Variants in PPP1R37 observed in about 807,000 individuals in gnomAD.
The protein encoded by PPP1R37 is protein phosphatase 1 regulatory subunit 37.
Under a neutral mutation model 61.0 loss-of-function variants are expected in PPP1R37, and 21 were observed. The observed-to-expected ratio is 0.34, with a 90% CI of 0.24 to 0.50. The LOEUF is 0.50. PPP1R37 is among the 20% of genes least tolerant of loss of function. The probability of loss-of-function intolerance (pLI) is 0.98; values close to 1 mark genes in which losing one functional copy is unlikely to be tolerated. For missense variants in PPP1R37, 910 were observed against 952.7 expected (o/e 0.96, Z 0.59); for synonymous variants, 443 against 433.5 (o/e 1.02, Z -0.27).
At chr19:45,101,903 G>C (rs1406163326) in intron 1 of PPP1R37, among the ~76,000 whole-genome samples, 1 of 152,214 alleles carries the variant, frequency 6.6e-6, no homozygotes, top group Non-Finnish European at 1.5e-5. Context: ...TTCTTCATCA[G>C]ATTCCTCTGA....
rs1968703023 is a variant in PPP1R37, at chr19:45,146,487, C to G, written c.*8+7C>G. The G allele has an allele frequency of 2.6e-6, 4 of 1,530,380 alleles. No individual in the cohort carries two copies. The highest frequency in any genetic ancestry group is 3.5e-6 in the Non-Finnish European group (4 of 1,141,936). 94.8% of individuals were successfully genotyped at this position (1,530,380 alleles called of 1,614,324 possible). A position where few individuals can be genotyped will look rare whatever the true frequency, so the allele number is the denominator to read the frequency against. ...AGACACTGTGACACTTTAGGTGAGG[C>G]CAGGCCCGGGGCCCACAGCACTCGG... On this transcript the variant is annotated splice_region_variant and intron_variant, in intron 12 of 12. Coordinates refer to ENST00000221462, the MANE Select transcript of PPP1R37 (RefSeq NM_019121.2).
rs754364 is a variant in PPP1R37, at chr19:45,130,250, G to A, written c.203-8264G>A. Among the ~76,000 whole-genome samples the A allele has an allele frequency of 0.034, 5,215 of 152,152 alleles. 302 individuals are homozygous for A. The highest frequency in any genetic ancestry group is 0.12 in the African/African-American group (4,853 of 41,482). On this transcript the variant is annotated intron_variant, in intron 1 of 12. Transcript: ENST00000221462. The surrounding 1 kb of genome is among the most constrained non-coding windows in gnomAD (Gnocchi z 4.4). ...ACCTGCACGATCAGGTCCCCTCCCC[G>A]TGAGTACTACAGGGGACCCCACTCC...
intron 1 of PPP1R37, among the ~76,000 whole-genome samples, chr19:45,097,052 A>G (rs1044109741): frequency 2.6e-5 from 4 of 152,120 alleles, no homozygotes; most frequent in Middle Eastern, 3.4e-3. Flanking sequence ...TTCACTGGCC[A>G]TGGGGCTGTG....
intron 1 of PPP1R37, among the ~76,000 whole-genome samples, chr19:45,113,596 C>T (rs569000923): frequency 1.3e-5 from 2 of 152,328 alleles, no homozygotes; most frequent in African/African-American, 4.8e-5. Context: ...CTCCTGTCCT[C>T]TTGACTCTTC....
Position 45,145,682 on chromosome 19 carries a change from C to T in PPP1R37, c.1626C>T (p.Asp542=). Residue 542 remains aspartate (D), a synonymous_variant, in exon 11 of 13, where the codon GAC becomes GAT. Coordinates refer to ENST00000221462, the MANE Select transcript of PPP1R37 (RefSeq NM_019121.2). ...CCACGGACTCCCTGGGCCCTGGGGA[C>T]AGGAGTCCCCCAGGCAGCCCCTCCA... ...VPPTDSLGPG[D]RSPPGSPSTP... The T allele has an allele frequency of 1.3e-6, 2 of 1,534,890 alleles. No individual in the cohort carries two copies. The highest frequency in any genetic ancestry group is 8.7e-7 in the Non-Finnish European group (1 of 1,146,300).
At position 45,121,506 on chromosome 19, in the gene PPP1R37, G is replaced by C. The variant is rs1013701840; in HGVS notation, c.203-17008G>C. 3.3e-5 allele frequency among the ~76,000 whole-genome samples: 5 copies of C among 152,246 alleles called. No individual in the cohort carries two copies. Among genetic ancestry groups the C allele is most frequent in the African/African-American group, 1.2e-4 (5 of 41,470 alleles). On this transcript the variant is annotated intron_variant, in intron 1 of 12. Transcript: ENST00000221462. The surrounding 1 kb of genome is among the most constrained non-coding windows in gnomAD (Gnocchi z 4.2). Reference sequence around the variant, plus strand: ...TGAGGCCACTGGATTCCCTAGGTAGGGAGCTCCCCAAATACAGGAAGAAGG... The same window carrying C: ...TGAGGCCACTGGATTCCCTAGGTAGCGAGCTCCCCAAATACAGGAAGAAGG...
At chr19:45,131,842 T>G (rs1474923363) in intron 1 of PPP1R37, among the ~76,000 whole-genome samples, 1 of 152,128 alleles carries the variant, frequency 6.6e-6, no homozygotes, top group African/African-American at 2.4e-5. Flanking sequence ...TTGTGTCTCC[T>G]GCTGACTAAG....
chr19:45,128,851 A>G (rs1342582408), intron 1 of PPP1R37: 3 of 626,208 alleles, frequency 4.8e-6, no homozygotes, highest in Non-Finnish European at 9.0e-6. Context: ...ATTGGCATCC[A>G]GGAAGGTACC....
chr19:45,114,057 T>C (rs1284265791), intron 1 of PPP1R37, among the ~76,000 whole-genome samples: 1 of 152,270 alleles, frequency 6.6e-6, no homozygotes, highest in Non-Finnish European at 1.5e-5. Context: ...AGCCCCACAC[T>C]AGACGCTTTA....
At chr19:45,106,885 C>T (rs1968139090) in intron 1 of PPP1R37, among the ~76,000 whole-genome samples, 1 of 126,652 alleles carries the variant, frequency 7.9e-6, no homozygotes, top group East Asian at 2.4e-4. Flanking sequence ...GGCGTGATCT[C>T]GGCTCACTGC....
At chr19:45,135,779 C>CTTTTTTT (rs546534256) in intron 1 of PPP1R37, among the ~76,000 whole-genome samples, 6 of 128,812 alleles carry the variant, frequency 4.7e-5, no homozygotes, top group African/African-American at 1.5e-4. Context: ...TTTGCATTTC[C>CTTTTTTT]TTTTTTTTTT....
At chr19:45,118,649 G>A (rs1968300087) in intron 1 of PPP1R37, among the ~76,000 whole-genome samples, 1 of 152,190 alleles carries the variant, frequency 6.6e-6, no homozygotes, top group Non-Finnish European at 1.5e-5. Flanking sequence ...TTACGGACTT[G>A]TGCCAGGAGC....
At chr19:45,117,977 G>A (rs1968292015) in intron 1 of PPP1R37, among the ~76,000 whole-genome samples, 2 of 152,262 alleles carry the variant, frequency 1.3e-5, no homozygotes, top group Admixed American at 1.3e-4. Context: ...GTTACTGAGA[G>A]GCTGTTGGGG....
At chr19:45,134,298 C>G (rs1968512666) in intron 1 of PPP1R37, among the ~76,000 whole-genome samples, 2 of 152,160 alleles carry the variant, frequency 1.3e-5, no homozygotes, top group African/African-American at 4.8e-5. Context: ...GCCATGTGCC[C>G]AGTCTCCTCT....
At chr19:45,113,169 C>T (rs978911831) in intron 1 of PPP1R37, among the ~76,000 whole-genome samples, 4 of 152,148 alleles carry the variant, frequency 2.6e-5, no homozygotes, top group East Asian at 1.9e-4. Context: ...TCTGGGAGCT[C>T]AAGTGTTGGC....
At chr19:45,118,931 G>C (rs781707973) in intron 1 of PPP1R37, among the ~76,000 whole-genome samples, 2 of 150,984 alleles carry the variant, frequency 1.3e-5, no homozygotes, top group African/African-American at 2.4e-5. Context: ...TGGGTTCCTT[G>C]TGGGCCACCG....
intron 5 of PPP1R37, 77 bp from the exon 6 acceptor site, chr19:45,141,984 C>T: frequency 9.4e-7 from 1 of 1,069,234 alleles, no homozygotes; most frequent in Non-Finnish European, 1.3e-6. Flanking sequence ...CCAGGGAGTG[C>T]TGGGGCGGTC....
Position 45,130,980 on chromosome 19 carries a change from C to G in PPP1R37, c.203-7534C>G, listed in dbSNP as rs1385709372. 6.6e-6 allele frequency among the ~76,000 whole-genome samples: 1 copy of G among 152,202 alleles called. No homozygotes were observed. Among genetic ancestry groups the G allele is most frequent in the African/African-American group, 2.4e-5 (1 of 41,460 alleles). On this transcript the variant is annotated intron_variant, in intron 1 of 12. Transcript: ENST00000221462. This position sits in a 1 kb window ranked among gnomAD's most constrained non-coding sequence, Gnocchi z 4.4. ...GGTGTTTTGACTCCCACTTGGATGA[C>G]TGTGTCTGTTTCCCCCGCCCTGCTC...
intron 1 of PPP1R37, among the ~76,000 whole-genome samples, chr19:45,118,970 T>C (rs1321606418): frequency 1.3e-5 from 2 of 152,192 alleles, no homozygotes; most frequent in African/African-American, 2.4e-5. Context: ...TTTTTTTTTT[T>C]TCTCATTTAA....
Sources: gnomAD v4.1 joint callset for allele counts (sites outside exome capture counted in the v4.1 genomes callset) on GRCh38, gnomAD v4.1.1 for gene constraint, Gnocchi (gnomAD v3.1) non-coding constraint, MANE v1.5 for transcripts, NCBI Gene and HGNC (gene_info 2026-07-23, HGNC 2026-07-21) for gene names.